MICU1: variants seen among roughly 807,000 people sequenced by gnomAD.
MICU1 encodes calcium uptake protein 1, mitochondrial.
MICU1 carries 45 observed loss-of-function variants against 56.8 expected under a neutral mutation model. That is an observed-to-expected ratio of 0.79 (90% CI 0.62 to 1.02). The LOEUF (loss-of-function observed/expected upper bound fraction) is 1.02. Ranked by LOEUF, MICU1 falls within the 50% of genes least tolerant of loss-of-function variation. The probability of loss-of-function intolerance (pLI) is 0.00; values close to 1 mark genes in which losing one functional copy is unlikely to be tolerated. For missense variants in MICU1, 504 were observed against 587.1 expected (o/e 0.86, Z 1.46); for synonymous variants, 186 against 195.1 (o/e 0.95, Z 0.39).
chr10:72,586,031 T>TTTG (rs1180520928), intron 1 of MICU1, among the ~76,000 whole-genome samples: 10 of 143,868 alleles, frequency 7.0e-5, no homozygotes, highest in African/African-American at 1.8e-4. Flanking sequence ...TTTTTTTTTT[T>TTTG]TGAGACAGGG....
At chr10:72,539,154 C>G (rs1426784607) in intron 4 of MICU1, among the ~76,000 whole-genome samples, 2 of 152,114 alleles carry the variant, frequency 1.3e-5, no homozygotes, top group Non-Finnish European at 2.9e-5. Flanking sequence ...GGGGCTTCAA[C>G]ATCCCACTTT....
In MICU1 at chr10:72,383,162, C is replaced by T. The variant is rs141767648; in HGVS notation, c.1181-7290G>A. Among the ~76,000 whole-genome samples the T allele has an allele frequency of 4.8e-3, 726 of 151,852 alleles. 4 individuals are homozygous for T. The highest frequency in any genetic ancestry group is 0.017 in the African/African-American group (698 of 41,378). ...TTGGGAAACTGAGGTGGGAGGATTA[C>T]CTGAGCCCAGGAGTTCAAGTCTGCA... On this transcript the variant is annotated intron_variant, in intron 10 of 11. Coordinates refer to ENST00000361114, the MANE Select transcript of MICU1 (RefSeq NM_001195518.2).
At chr10:72,611,639 AAAAG>A (rs1196387174) in intron 1 of MICU1, among the ~76,000 whole-genome samples, 5 of 152,166 alleles carry the variant, frequency 3.3e-5, no homozygotes, top group African/African-American at 4.8e-5. Flanking sequence ...GATAAAAGTG[AAAAG>A]AAAGAAAGAA....
intron 8 of MICU1, among the ~76,000 whole-genome samples, chr10:72,456,587 A>G (rs776971759): frequency 2.1e-4 from 32 of 152,220 alleles, no homozygotes; most frequent in Non-Finnish European, 4.0e-4. Context: ...CATGAGAGAC[A>G]GCCAGAATTA....
At chr10:72,592,859 T>A (rs531085225) in intron 1 of MICU1, among the ~76,000 whole-genome samples, 1 of 151,448 alleles carries the variant, frequency 6.6e-6, no homozygotes, top group East Asian at 1.9e-4. Context: ...CTCGGCTCAC[T>A]GCAACCTCTG....
At position 72,508,158 on chromosome 10, in the gene MICU1, A is replaced by G; in HGVS notation, c.649T>C (p.Ser217Pro). ...SDYIFLTTVL[S>P]TPQRNFEIAF... is the part of the protein sequence containing the mutation. ...AAAAGAAAACGTTTATACTTACTGG[A>G]AAGAACAGTTGTGAGGAAAATGTAG... is the stretch of plus-strand genomic sequence containing the variant. The change falls in exon 6 of 12, where the codon TCC becomes CCC. Residue 217 changes from serine (S) to proline (P), a missense_variant. Physicochemically the swap from Ser to Pro is moderately conservative, Grantham distance 74. Coordinates refer to ENST00000361114, the MANE Select transcript of MICU1 (RefSeq NM_001195518.2). 6.7e-7 allele frequency: 1 copy of G among 1,487,406 alleles called. No individual in the cohort carries two copies. Among genetic ancestry groups the G allele is most frequent in the Non-Finnish European group, 9.1e-7 (1 of 1,098,100 alleles). The allele number at this position is 1,487,406 out of a possible 1,614,324, so 92.1% of individuals were successfully genotyped here.
At chr10:72,590,866 A>G (rs1291957165) in intron 1 of MICU1, among the ~76,000 whole-genome samples, 1 of 150,956 alleles carries the variant, frequency 6.6e-6, no homozygotes, top group Non-Finnish European at 1.5e-5. Flanking sequence ...AAAAAACAGA[A>G]GACAAACAAC....
intron 1 of MICU1, among the ~76,000 whole-genome samples, chr10:72,598,140 T>C (rs1170651138): frequency 6.6e-6 from 1 of 152,178 alleles, no homozygotes; most frequent in African/African-American, 2.4e-5. Context: ...CTAATGCTAT[T>C]AGTCATCACA....
In MICU1 at chr10:72,606,598, A is replaced by AAT. The variant is rs544479058; in HGVS notation, c.-2+19410_-2+19411dup. Among the ~76,000 whole-genome samples the AAT allele has an allele frequency of 9.4e-3, 1,417 of 150,112 alleles. 15 individuals carry two copies. Among genetic ancestry groups the AAT allele is most frequent in the African/African-American group, 0.028 (1,170 of 41,054 alleles). Reference sequence around the variant, plus strand: ...TGTAATACTGTGATTTATAATAAGAAATATATATATATATATGTTGGTCTT... The same window carrying AAT: ...TGTAATACTGTGATTTATAATAAGAAATATATATATATATATATGTTGGTCTT... On this transcript the variant is annotated intron_variant, in intron 1 of 11. Transcript: ENST00000361114.
intron 3 of MICU1, among the ~76,000 whole-genome samples, chr10:72,555,314 A>T (rs1271412648): frequency 6.6e-6 from 1 of 152,246 alleles, no homozygotes; most frequent in Non-Finnish European, 1.5e-5. Flanking sequence ...ACAAAAAAGC[A>T]GACCAACCAA....
intron 1 of MICU1, among the ~76,000 whole-genome samples, chr10:72,592,599 A>G (rs1017670794): frequency 1.4e-4 from 21 of 152,198 alleles, no homozygotes; most frequent in African/African-American, 5.1e-4. Context: ...AACCAAATGC[A>G]GCAGCATAAA....
intron 8 of MICU1, among the ~76,000 whole-genome samples, chr10:72,440,110 G>A (rs1442451710): frequency 6.6e-6 from 1 of 152,120 alleles, no homozygotes; most frequent in African/African-American, 2.4e-5. Context: ...TAAGCCAAAA[G>A]AACAAAGCTG....
At chr10:72,452,246 A>G (rs558877404) in intron 8 of MICU1, among the ~76,000 whole-genome samples, 87 of 152,286 alleles carry the variant, frequency 5.7e-4, no homozygotes, top group African/African-American at 2.0e-3. Flanking sequence ...GGAAGCTGGG[A>G]GGCAATAACA....
chr10:72,394,036 G>C (rs1264286940), intron 10 of MICU1, among the ~76,000 whole-genome samples: 1 of 152,082 alleles, frequency 6.6e-6, no homozygotes, highest in Non-Finnish European at 1.5e-5. Flanking sequence ...CAAAGTGCTG[G>C]GATTACAGGT....
chr10:72,520,981 A>G (rs1057418565), intron 5 of MICU1, among the ~76,000 whole-genome samples: 1 of 152,092 alleles, frequency 6.6e-6, no homozygotes, highest in African/African-American at 2.4e-5. Flanking sequence ...TGCTACCTAA[A>G]TCTAAGAATT....
At chr10:72,515,532 A>G (rs1289390069) in intron 5 of MICU1, among the ~76,000 whole-genome samples, 3 of 152,180 alleles carry the variant, frequency 2.0e-5, no homozygotes, top group African/African-American at 7.2e-5. Flanking sequence ...GTTGATACCT[A>G]TAATTCCTTT....
At chr10:72,458,086 G>C (rs1416450460) in intron 8 of MICU1, among the ~76,000 whole-genome samples, 3 of 151,760 alleles carry the variant, frequency 2.0e-5, no homozygotes, top group Admixed American at 2.0e-4. Flanking sequence ...AGAGTCGCTT[G>C]AACCTGGGAG....
At chr10:72,543,618 G>A (rs1839827084) in intron 4 of MICU1, among the ~76,000 whole-genome samples, 1 of 152,194 alleles carries the variant, frequency 6.6e-6, no homozygotes. Context: ...TCCTTTGGGA[G>A]GCTGAGGTGG....
At chr10:72,613,394 C>A (rs1333445533) in intron 1 of MICU1, among the ~76,000 whole-genome samples, 3 of 151,776 alleles carry the variant, frequency 2.0e-5, no homozygotes, top group Non-Finnish European at 4.4e-5. Context: ...CTGCCTCAGC[C>A]TCCTGAGTGG....
Sources: allele counts gnomAD v4.1 joint callset (sites outside exome capture counted in the v4.1 genomes callset), GRCh38; gene constraint gnomAD v4.1.1; transcripts MANE v1.5; gene names NCBI Gene and HGNC (gene_info 2026-07-23, HGNC 2026-07-21).